Variants in TRPT1 observed in about 807,000 individuals in gnomAD.
TRPT1 encodes tRNA 2'-phosphotransferase 1.
TRPT1 carries 22 observed loss-of-function variants against 28.4 expected under a neutral mutation model. The observed-to-expected ratio is 0.78, with a 90% CI of 0.55 to 1.11. The LOEUF is 1.11. TRPT1 is among the 50% of genes least tolerant of loss of function. The pLI is 0.00. For synonymous variants in TRPT1, 137 were observed against 132.4 expected, an observed-to-expected ratio of 1.03 and a Z score of -0.24; for missense variants, 308 against 317.7, an observed-to-expected ratio of 0.97 and a Z score of 0.23.
intron 7 of TRPT1, 28 bp downstream of exon 7, chr11:64,224,072 G>T: frequency 6.2e-7 from 1 of 1,600,222 alleles, no homozygotes. Context: ...CAGGAACAAG[G>T]AATAGGGGCT....
chr11:64,223,976 G>C lies in TRPT1; in HGVS notation c.671-9C>G. 2 of 1,612,018 alleles carry C rather than the reference G, an allele frequency of 1.2e-6. No homozygotes were observed. Among genetic ancestry groups the C allele is most frequent in the Non-Finnish European group, 1.7e-6 (2 of 1,178,676 alleles). Reference sequence around the variant, plus strand: ...CAAGGAAAGGGGCTTTCCTGATAAAGACAAGAGTTGGTTAGAGAAAGGGAC... The same window carrying C: ...CAAGGAAAGGGGCTTTCCTGATAAACACAAGAGTTGGTTAGAGAAAGGGAC... On this transcript the variant is annotated splice_polypyrimidine_tract_variant and intron_variant, in intron 7 of 7. Coordinates refer to ENST00000317459, the MANE Select transcript of TRPT1 (RefSeq NM_001033678.4).
intron 3 of TRPT1, chr11:64,225,263 C>T (rs1162633274): frequency 3.3e-6 from 2 of 608,440 alleles, no homozygotes; most frequent in Non-Finnish European, 5.8e-6. Flanking sequence ...GGGGTAAGTG[C>T]TGATCTGGCT....
At chr11:64,224,077 G>C (rs1478184112) in intron 7 of TRPT1, 23 bp downstream of exon 7, 3 of 1,600,432 alleles carry the variant, frequency 1.9e-6, no homozygotes, top group Non-Finnish European at 1.7e-6. Context: ...ACAAGGAATA[G>C]GGGCTGGGGT....
intron 4 of TRPT1, 33 bp from the exon 5 acceptor site, chr11:64,224,750 G>A (rs770120805): frequency 8.1e-6 from 13 of 1,604,340 alleles, no homozygotes; most frequent in South Asian, 3.3e-5. Context: ...GACCCCCTTC[G>A]CAGGCAGGGG....
At position 64,223,989 on chromosome 11, in the gene TRPT1, T is replaced by C. The variant is rs775139463; in HGVS notation, c.671-22A>G. Reference sequence around the variant, plus strand: ...TTTCCTGATAAAGACAAGAGTTGGTTAGAGAAAGGGACACCTAAGTCAGTC... The same window carrying C: ...TTTCCTGATAAAGACAAGAGTTGGTCAGAGAAAGGGACACCTAAGTCAGTC... On this transcript the variant is annotated intron_variant, in intron 7 of 7. Coordinates refer to ENST00000317459, the MANE Select transcript of TRPT1 (RefSeq NM_001033678.4). The C allele has an allele frequency of 5.0e-6, 8 of 1,605,940 alleles. No individual in the cohort carries two copies. The South Asian group carries it at 6.6e-5, about 13-fold the overall frequency.
chr11:64,224,877 T>C lies in TRPT1; in HGVS notation c.251A>G (p.Lys84Arg), dbSNP rs1266645742. The C allele has an allele frequency of 2.5e-6, 4 of 1,611,336 alleles. No homozygotes were observed. Among genetic ancestry groups the C allele is most frequent in the Non-Finnish European group, 3.4e-6 (4 of 1,178,990 alleles). ...CCCCAGCTGCAGGGCGAACCGCTGC[T>C]TCCTATTGGTGTCCACCACGCGCTG... ...DVQRVVDTNR[K>R]QRFALQLGDP... The change falls in exon 4 of 8, where the codon AAG (lysine) becomes AGG (arginine). Residue 84 changes from lysine to arginine, a missense_variant. Coordinates refer to ENST00000317459, the MANE Select transcript of TRPT1 (RefSeq NM_001033678.4).
chr11:64,225,741 C>A, intron 2 of TRPT1, 45 bp downstream of exon 2: 1 of 1,477,386 alleles, frequency 6.8e-7, no homozygotes, highest in South Asian at 1.2e-5. Flanking sequence ...CAGCAACTCC[C>A]AGGGAGCCTG....
At chr11:64,225,087 G>A in intron 3 of TRPT1, 117 bp from the exon 4 acceptor site, 1 of 1,158,288 alleles carries the variant, frequency 8.6e-7, no homozygotes, top group Non-Finnish European at 1.2e-6. Flanking sequence ...GGCATCCTCT[G>A]TGGGACCTTT....
chr11:64,224,924 G>C lies in TRPT1; in HGVS notation c.204C>G (p.Arg68=). The change falls in exon 4 of 8, where the codon CGC becomes CGG. Residue 68 remains arginine (R), a synonymous_variant. Transcript: ENST00000317459. The stretch of plus-strand genomic sequence containing the variant: ...GCTGCACATCTTCAGCAGAGAAGCC[G>C]CGGAACTGGGGCAACTGCAGGAGGG... The part of the protein sequence containing the change: ...LGTLLQLPQF[R]GFSAEDVQRV... The C allele has an allele frequency of 6.3e-7, 1 of 1,582,664 alleles. No individual in the cohort carries two copies. The highest frequency in any genetic ancestry group is 1.3e-5 in the African/African-American group (1 of 74,260).
intron 3 of TRPT1, chr11:64,225,234 T>TAC: frequency 3.3e-6 from 2 of 608,098 alleles, no homozygotes; most frequent in Non-Finnish European, 2.9e-6. Flanking sequence ...CTGCACCGTA[T>TAC]CCTCCAGGGC....
intron 3 of TRPT1, 116 bp downstream of exon 3, chr11:64,225,383 G>A (rs1946931629): frequency 3.7e-6 from 3 of 805,244 alleles, no homozygotes; most frequent in Non-Finnish European, 2.0e-6. Flanking sequence ...GCATGGGGAG[G>A]AAGTGCACTC....
Position 64,226,127 on chromosome 11 carries a change from G to C in TRPT1, c.-87C>G, listed in dbSNP as rs1197199375. On this transcript the variant is annotated 5_prime_UTR_variant, in exon 1 of 8. Transcript: ENST00000317459. ...GATCGCTGGTGCGCCCCGCAGGGTG[G>C]TCCGGGAGGCAGGGCCGACGTGCCG... 2.1e-6 allele frequency: 1 copy of C among 477,894 alleles called. No homozygotes were observed. The highest frequency in any genetic ancestry group is 2.0e-5 in the African/African-American group (1 of 49,124). The allele number at this position is 477,894 out of a possible 1,614,324, so 29.6% of individuals were successfully genotyped here.
At chr11:64,225,047 G>T in intron 3 of TRPT1, 77 bp from the exon 4 acceptor site, 3 of 1,468,584 alleles carry the variant, frequency 2.0e-6, no homozygotes. Flanking sequence ...ACAGGCAACC[G>T]AAACAAAGTC....
Position 64,224,838 on chromosome 11 carries a change from C to T in TRPT1, c.290G>A (p.Gly97Asp). 1.2e-6 allele frequency: 2 copies of T among 1,613,690 alleles called. No homozygotes were observed. The highest frequency in any genetic ancestry group is 1.7e-6 in the Non-Finnish European group (2 of 1,179,976). Residue 97 changes from glycine to aspartate, a missense_variant, in exon 4 of 8, where the codon GGC (glycine) becomes GAC (aspartate). Physicochemically the swap from Gly to Asp is moderately conservative, Grantham distance 94. Coordinates refer to ENST00000317459, the MANE Select transcript of TRPT1 (RefSeq NM_001033678.4). ...GCCCTGGTTGGCCCGGATGAGAAGG[C>T]CAGTGCTGGGATCCCCCAGCTGCAG... ...FALQLGDPSTGLLIRANQGHS... is the reference protein window; with the variant it reads ...FALQLGDPSTDLLIRANQGHS...
Position 64,224,992 on chromosome 11 carries a change from A to AGGAGCTAACCTTGCTCT in TRPT1, c.158-39_158-23dup, listed in dbSNP as rs1946894816. The AGGAGCTAACCTTGCTCT allele has an allele frequency of 4.5e-6, 7 of 1,547,644 alleles. No homozygotes were observed. The East Asian group carries it at 1.7e-4, about 38-fold the overall frequency. On this transcript the variant is annotated intron_variant, in intron 3 of 7. Coordinates refer to ENST00000317459, the MANE Select transcript of TRPT1 (RefSeq NM_001033678.4). Reference sequence around the variant, plus strand: ...CCATCTGTGGGCAGGCAGGGTGCTCAGGAGCTAACCTTGCTCTGGACTGGG... The same window carrying AGGAGCTAACCTTGCTCT: ...CCATCTGTGGGCAGGCAGGGTGCTCAGGAGCTAACCTTGCTCTGGAGCTAACCTTGCTCTGGACTGGG...
At position 64,224,309 on chromosome 11, in the gene TRPT1, T is replaced by C. The variant is rs1223751099; in HGVS notation, c.535A>G (p.Ile179Val). ...CCTGCCAGAGCCAGGGGTCCATCGA[T>C]GAACACAGCTATTTCACAATGGGAC... Reference protein sequence around the residue: ...MRSHCEIAVFIDGPLALADGI... With the variant: ...MRSHCEIAVFVDGPLALADGI... The change falls in exon 6 of 8, where the codon ATC becomes GTC. Residue 179 changes from isoleucine (I) to valine (V), a missense_variant. Physicochemically the swap from Ile to Val is conservative, Grantham distance 29. Coordinates refer to ENST00000317459, the MANE Select transcript of TRPT1 (RefSeq NM_001033678.4). 6.2e-7 allele frequency: 1 copy of C among 1,613,700 alleles called. No homozygotes were observed. Among genetic ancestry groups the C allele is most frequent in the Non-Finnish European group, 8.5e-7 (1 of 1,180,038 alleles).
chr11:64,225,644 C>T, intron 2 of TRPT1, 64 bp from the exon 3 acceptor site: 3 of 1,490,704 alleles, frequency 2.0e-6, no homozygotes, highest in South Asian at 2.4e-5. Flanking sequence ...CCATCCTGAA[C>T]CCTCAATGAC....
chr11:64,225,479 C>A lies in TRPT1; in HGVS notation c.157+20G>T. 1.2e-6 allele frequency: 2 copies of A among 1,602,830 alleles called. No homozygotes were observed. Among genetic ancestry groups the A allele is most frequent in the Non-Finnish European group, 1.7e-6 (2 of 1,173,704 alleles). On this transcript the variant is annotated intron_variant, in intron 3 of 7. Transcript: ENST00000317459. ...GTTTCTCTCTGGGCTCAAGCCCCAG[C>A]CTCCAAGGCCCCTACTTACCAGCTC...
intron 3 of TRPT1, 133 bp downstream of exon 3, chr11:64,225,361 GCTCTC>G (rs1163924276): frequency 5.7e-6 from 4 of 698,268 alleles, no homozygotes; most frequent in Non-Finnish European, 9.7e-6. Flanking sequence ...TCTAGGCCTT[GCTCTC>G]CTCTGTGCAT....
Sources: gnomAD v4.1 joint callset for allele counts on GRCh38, gnomAD v4.1.1 for gene constraint, MANE v1.5 for transcripts, NCBI Gene and HGNC (gene_info 2026-07-23, HGNC 2026-07-21) for gene names.